Variants in ESR1 observed in about 807,000 individuals in gnomAD.
The protein encoded by ESR1 is estrogen receptor 1, also known as estrogen receptor.
In ESR1, 12 loss-of-function variants were observed where a neutral mutation model predicts 52.7. The observed-to-expected ratio is 0.23, with a 90% CI of 0.15 to 0.37. ESR1 has a LOEUF of 0.37. ESR1 is among the 10% of genes least tolerant of loss of function. The pLI is 1.00. For synonymous variants in ESR1, 305 were observed against 316.8 expected, an observed-to-expected ratio of 0.96 and a Z score of 0.39; for missense variants, 584 against 779.7, an observed-to-expected ratio of 0.75 and a Z score of 2.99.
intron 2 of ESR1, among the ~76,000 whole-genome samples, chr6:151,759,080 T>A (rs1784474819): frequency 6.6e-6 from 1 of 151,228 alleles, no homozygotes; most frequent in Non-Finnish European, 1.5e-5. Context: ...ATCAAGACAA[T>A]CCTGGCCAAC....
intron 1 of ESR1, among the ~76,000 whole-genome samples, chr6:151,663,077 T>C (rs953467148): frequency 1.3e-5 from 2 of 152,224 alleles, no homozygotes; most frequent in Non-Finnish European, 2.9e-5. Context: ...AAGGTGGGAT[T>C]TGGCTAAGTG....
chr6:151,659,866 C>A (rs851968), intron 1 of ESR1, among the ~76,000 whole-genome samples: 32,317 of 152,020 alleles, frequency 0.21, 4,240 homozygotes, highest in Non-Finnish European at 0.28. Context: ...ATTAAGGGGG[C>A]AAAATGTATA....
downstream of ESR1, among the ~76,000 whole-genome samples, chr6:152,105,628 G>A (rs9479224): frequency 0.21 from 31,161 of 151,400 alleles, 3,271 homozygotes; most frequent in Non-Finnish European, 0.21. Context: ...GTTTCACCAT[G>A]TTGGGAAGGC....
At chr6:151,793,685 C>T (rs1043923790) in intron 2 of ESR1, among the ~76,000 whole-genome samples, 4 of 152,152 alleles carry the variant, frequency 2.6e-5, no homozygotes, top group African/African-American at 9.7e-5. Flanking sequence ...CCTTACAAGA[C>T]CACTGTCATA....
At chr6:151,719,747 A>G (rs1781324661) in intron 2 of ESR1, among the ~76,000 whole-genome samples, 1 of 152,190 alleles carries the variant, frequency 6.6e-6, no homozygotes, top group African/African-American at 2.4e-5. Flanking sequence ...TTAGATCACT[A>G]GGAAAATCTT....
upstream of ESR1, among the ~76,000 whole-genome samples, chr6:151,801,912 G>A (rs1368530836): frequency 6.6e-6 from 1 of 152,204 alleles, no homozygotes; most frequent in African/African-American, 2.4e-5. Flanking sequence ...CAATCTGTAA[G>A]AGATCATGGT....
rs571399448 is a variant in ESR1 at position 151,787,505 on chromosome 6, T to A, written c.-70-20338T>A. 1.4e-4 allele frequency among the ~76,000 whole-genome samples: 21 copies of A among 152,328 alleles called. No individual in the cohort carries two copies. The East Asian group carries it at 3.9e-3, about 28-fold the overall frequency. On this transcript the variant is annotated intron_variant, in intron 2 of 2. Transcript: ENST00000404742. ...GGAATGTTTTTTCCATTTGTTTGTG[T>A]CATCTCTGATTTATTTGAGCAGGGT...
At chr6:151,768,099 AG>A (rs1460107630) in intron 2 of ESR1, among the ~76,000 whole-genome samples, 1 of 152,218 alleles carries the variant, frequency 6.6e-6, no homozygotes, top group Non-Finnish European at 1.5e-5. Flanking sequence ...GACCAGAAAC[AG>A]GATATTTTTA....
intron 6 of ESR1, among the ~76,000 whole-genome samples, chr6:152,062,775 C>A (rs1049715395): frequency 6.6e-6 from 1 of 152,108 alleles, no homozygotes; most frequent in Non-Finnish European, 1.5e-5. Context: ...AGACTCCCCA[C>A]CCCGAACTTT....
intron 2 of ESR1, among the ~76,000 whole-genome samples, chr6:151,797,870 T>C (rs1776860597): frequency 6.6e-6 from 1 of 152,340 alleles, no homozygotes; most frequent in Non-Finnish European, 1.5e-5. Context: ...ATTTTATCAG[T>C]TCTCTACGTA....
intron 2 of ESR1, among the ~76,000 whole-genome samples, chr6:151,751,960 T>G (rs1309945213): frequency 1.3e-5 from 2 of 152,218 alleles, no homozygotes. Flanking sequence ...GAGGTCCGCA[T>G]TTTCTTGCAG....
At chr6:151,809,394 C>T in intron 1 of ESR1, 1 of 286,872 alleles carries the variant, frequency 3.5e-6, no homozygotes, top group South Asian at 3.1e-5. Flanking sequence ...TCCTGATGGG[C>T]CTGCAGAGGG....
intron 2 of ESR1, among the ~76,000 whole-genome samples, chr6:151,844,807 A>T (rs1188969840): frequency 2.0e-5 from 3 of 151,706 alleles, no homozygotes; most frequent in East Asian, 1.9e-4. Flanking sequence ...CGAGAGAAAT[A>T]AAAAAAAAGT....
intron 3 of ESR1, among the ~76,000 whole-genome samples, chr6:151,896,527 T>C (rs1795531352): frequency 6.6e-6 from 1 of 152,220 alleles, no homozygotes; most frequent in Admixed American, 6.5e-5. Flanking sequence ...GGGTTGGTTG[T>C]AATATCTCCT....
At chr6:151,994,538 G>T (rs991785429) in intron 4 of ESR1, among the ~76,000 whole-genome samples, 1 of 152,124 alleles carries the variant, frequency 6.6e-6, no homozygotes, top group African/African-American at 2.4e-5. Context: ...GTAAGGGTGA[G>T]CTGATGCCCT....
intron 3 of ESR1, among the ~76,000 whole-genome samples, chr6:151,919,115 T>A (rs2128457841): frequency 6.6e-6 from 1 of 152,288 alleles, no homozygotes; most frequent in South Asian, 2.1e-4. Context: ...ATTTATGTAT[T>A]CAACAGACAC....
intron 5 of ESR1, among the ~76,000 whole-genome samples, chr6:152,037,923 C>A (rs1374680756): frequency 6.6e-6 from 1 of 151,986 alleles, no homozygotes. Context: ...AGGGACAAGA[C>A]TAATAGGATA....
chr6:151,944,178 C>T lies in ESR1; in HGVS notation c.766C>T (p.Arg256Ter), dbSNP rs2128525948. The T allele has an allele frequency of 1.2e-6, 2 of 1,613,180 alleles. No individual in the cohort carries two copies. Among genetic ancestry groups the T allele is most frequent in the Non-Finnish European group, 1.7e-6 (2 of 1,179,698 alleles). ...YEVGMMKGGI[R>*]KDRRGGRMLK... Reference sequence around the variant, plus strand: ...TTTTCCACCTGTGTTTTCAGGGATACGAAAAGACCGAAGAGGAGGGAGAAT... The same window carrying T: ...TTTTCCACCTGTGTTTTCAGGGATATGAAAAGACCGAAGAGGAGGGAGAAT... Residue 256 changes from arginine (R) to a stop codon, truncating the protein, a stop_gained, in exon 4 of 8, where the codon CGA (arginine) becomes TGA (stop). Coordinates refer to ENST00000206249, the MANE Select transcript of ESR1 (RefSeq NM_000125.4). LOFTEE classifies it high-confidence loss of function.
chr6:151,658,719 TG>T (rs1777538835), intron 1 of ESR1, among the ~76,000 whole-genome samples: 1 of 152,186 alleles, frequency 6.6e-6, no homozygotes, highest in Non-Finnish European at 1.5e-5. Flanking sequence ...TTCTATATTC[TG>T]GGCACTGTTC....
Sources: allele counts gnomAD v4.1 joint callset (sites outside exome capture counted in the v4.1 genomes callset), GRCh38; gene constraint gnomAD v4.1.1; transcripts MANE v1.5; gene names NCBI Gene and HGNC (gene_info 2026-07-23, HGNC 2026-07-21).